Variants in C5orf15 observed in about 807,000 individuals in gnomAD.
C5orf15 encodes keratinocyte-associated transmembrane protein 2.
A neutral mutation model predicts 17.8 loss-of-function variants in C5orf15; 10 were observed. The ratio of observed to expected loss-of-function variants is 0.56; its 90% confidence interval spans 0.35 to 0.95. The LOEUF is 0.95. Among genes scored for constraint, C5orf15 ranks in the 40% least tolerant of loss-of-function variants. The pLI, the probability that C5orf15 is intolerant of heterozygous loss-of-function variation, is 0.02. For missense variants in C5orf15, 319 were observed against 331.7 expected (o/e 0.96, Z 0.30); for synonymous variants, 124 against 131.0 (o/e 0.95, Z 0.36).
chr5:133,967,580 G>T (rs1277693710), intron 1 of C5orf15: 3 of 152,166 alleles, frequency 2.0e-5, no homozygotes, highest in Non-Finnish European at 1.5e-5. Context: ...CTCAATAAAA[G>T]CCTTCAATCT....
chr5:133,960,008 G>C lies in C5orf15; in HGVS notation c.152C>G (p.Thr51Ser). 6.2e-7 allele frequency: 1 copy of C among 1,601,180 alleles called. No homozygotes were observed. The stretch of plus-strand genomic sequence containing the variant: ...GAGTACGGTTGGGCTCGGTGAATCA[G>C]TCCGTGATACAACTGAAACAAACAA... ...SAALSSVVSR[T>S]DSPSPTVLNS... The change falls in exon 2 of 3, where the codon ACT (threonine) becomes AGT (serine). Residue 51 changes from threonine (T) to serine (S), a missense_variant. Thr to Ser is a moderately conservative substitution (Grantham distance 58). Coordinates refer to ENST00000231512, the MANE Select transcript of C5orf15 (RefSeq NM_020199.3).
intron 1 of C5orf15, among the ~76,000 whole-genome samples, chr5:133,960,838 G>A (rs1476787206): frequency 2.0e-5 from 3 of 151,888 alleles, no homozygotes; most frequent in South Asian, 2.1e-4. Flanking sequence ...AATAGAGGAA[G>A]ATTCCAGAGG....
chr5:133,958,576 CAAAAAAAAAAAAAAAA>C lies in C5orf15; in HGVS notation c.666+902_666+917del, dbSNP rs71581378. Among the ~76,000 whole-genome samples the C allele has an allele frequency of 1.6e-4, 5 of 32,002 alleles. No homozygotes were observed. In the South Asian group the frequency reaches 9.6e-3, roughly 61 times the overall value. The allele number at this position is 32,002 out of a possible 152,430, so 21.0% of individuals were successfully genotyped here. A position where few individuals can be genotyped will look rare whatever the true frequency, so the allele number is the denominator to read the frequency against. Reference sequence around the variant, plus strand: ...TGGGAGACAAAGTGAAGCTCTGTCTCAAAAAAAAAAAAAAAAAAAAAAAAAAAACTCTGTGAGATAA... The same window carrying C: ...TGGGAGACAAAGTGAAGCTCTGTCTCAAAAAAAAAAAACTCTGTGAGATAA... On this transcript the variant is annotated intron_variant, in intron 2 of 2. Transcript: ENST00000231512.
rs750335933 is a variant in C5orf15, at chr5:133,968,566, T to A, written c.19A>T (p.Lys7Ter). The A allele has an allele frequency of 7.5e-6, 12 of 1,609,744 alleles. No homozygotes were observed. Among genetic ancestry groups the A allele is most frequent in the Non-Finnish European group, 9.3e-6 (11 of 1,178,604 alleles). Reference sequence around the variant, plus strand: ...GCTTGTGCTGGCCCCCTCATCCTCTTCGGGACGGCAGCGGCCATAACGGAC... The same window carrying A: ...GCTTGTGCTGGCCCCCTCATCCTCTACGGGACGGCAGCGGCCATAACGGAC... MAAAVP[K>*]RMRGPAQAKL... Residue 7 changes from lysine (K) to a stop codon, truncating the protein, a stop_gained, in exon 1 of 3, where the codon AAG becomes TAG. Coordinates refer to ENST00000231512, the MANE Select transcript of C5orf15 (RefSeq NM_020199.3). LOFTEE classifies it high-confidence loss of function.
At chr5:133,966,273 A>G (rs1364478118) in intron 1 of C5orf15, among the ~76,000 whole-genome samples, 1 of 152,136 alleles carries the variant, frequency 6.6e-6, no homozygotes, top group Non-Finnish European at 1.5e-5. Flanking sequence ...CCTTTTTAAA[A>G]ACTGCCCTAA....
At chr5:133,965,561 T>G (rs1450592476) in intron 1 of C5orf15, among the ~76,000 whole-genome samples, 1 of 152,226 alleles carries the variant, frequency 6.6e-6, no homozygotes, top group East Asian at 1.9e-4. Context: ...TCTATGAGCA[T>G]ATAAATAAGA....
chr5:133,960,058 C>T, intron 1 of C5orf15, 38 bp from the exon 2 acceptor site: 2 of 1,539,166 alleles, frequency 1.3e-6, no homozygotes, highest in Non-Finnish European at 1.8e-6. Flanking sequence ...AAATCTCCAA[C>T]TTTATCTCCA....
intron 2 of C5orf15, among the ~76,000 whole-genome samples, chr5:133,958,213 T>G (rs1752063823): frequency 6.6e-6 from 1 of 151,132 alleles, no homozygotes. Context: ...AGATCCTGTC[T>G]CAAAAAAAAA....
chr5:133,968,356 G>C (rs1006400177), intron 1 of C5orf15, 90 bp downstream of exon 1: 8 of 1,508,902 alleles, frequency 5.3e-6, no homozygotes, highest in Non-Finnish European at 6.3e-6. Flanking sequence ...CCTGACACTT[G>C]GAAGCGCCCT....
At chr5:133,966,162 A>C (rs1307026059) in intron 1 of C5orf15, among the ~76,000 whole-genome samples, 2 of 152,198 alleles carry the variant, frequency 1.3e-5, no homozygotes, top group South Asian at 2.1e-4. Context: ...CGGAGGTTGC[A>C]ATGAGCCGAG....
Position 133,956,293 on chromosome 5 carries a change from C to T in C5orf15, c.*566G>A, listed in dbSNP as rs770130388. The T allele has an allele frequency of 1.3e-5, 2 of 152,620 alleles. No individual in the cohort carries two copies. Among genetic ancestry groups the T allele is most frequent in the Non-Finnish European group, 2.9e-5 (2 of 68,040 alleles). The allele number at this position is 152,620 out of a possible 1,614,324, so 9.5% of individuals were successfully genotyped here. A position where few individuals can be genotyped will look rare whatever the true frequency, so the allele number is the denominator to read the frequency against. ...TCTCTGTTGCCAAGATTTCTTGACA[C>T]ATTTAATGTTTTACCTAAAATTGTG... On this transcript the variant is annotated 3_prime_UTR_variant, in exon 3 of 3. Coordinates refer to ENST00000231512, the MANE Select transcript of C5orf15 (RefSeq NM_020199.3).
At chr5:133,965,861 G>A (rs1752183517) in intron 1 of C5orf15, among the ~76,000 whole-genome samples, 1 of 152,202 alleles carries the variant, frequency 6.6e-6, no homozygotes, top group Non-Finnish European at 1.5e-5. Context: ...GGAGGCGGAA[G>A]TTGCAATGGG....
intron 1 of C5orf15, among the ~76,000 whole-genome samples, chr5:133,966,783 G>A (rs1162816554): frequency 3.3e-5 from 5 of 152,258 alleles, no homozygotes; most frequent in Admixed American, 6.5e-5. Flanking sequence ...GGAGCTGCTC[G>A]CCTATTAAAG....
In C5orf15 at chr5:133,959,362, C is replaced by T. The variant is rs961833125; in HGVS notation, c.666+132G>A. 3.5e-5 allele frequency: 20 copies of T among 571,326 alleles called. No individual in the cohort carries two copies. In the African/African-American group the frequency reaches 4.4e-4, roughly 12 times the overall value. The allele number at this position is 571,326 out of a possible 1,614,324, so 35.4% of individuals were successfully genotyped here. A position where few individuals can be genotyped will look rare whatever the true frequency, so the allele number is the denominator to read the frequency against. On this transcript the variant is annotated intron_variant, in intron 2 of 2. Coordinates refer to ENST00000231512, the MANE Select transcript of C5orf15 (RefSeq NM_020199.3). Reference sequence around the variant, plus strand: ...TGAGCTGTGATTGTGCCACTGTACTCCAGCTTGGTTGACAGAGTGAAACCC... The same window carrying T: ...TGAGCTGTGATTGTGCCACTGTACTTCAGCTTGGTTGACAGAGTGAAACCC...
intron 1 of C5orf15, 126 bp downstream of exon 1, chr5:133,968,320 G>A: frequency 7.5e-7 from 1 of 1,328,350 alleles, no homozygotes; most frequent in Non-Finnish European, 1.0e-6. Flanking sequence ...CGGAGACCCT[G>A]ACCCAACCAG....
chr5:133,960,091 C>A, intron 1 of C5orf15, 71 bp from the exon 2 acceptor site: 2 of 1,339,018 alleles, frequency 1.5e-6, no homozygotes, highest in Non-Finnish European at 2.0e-6. Flanking sequence ...CATATTTACC[C>A]AAATTTTACA....
chr5:133,956,949 A>C lies in C5orf15; in HGVS notation c.708T>G (p.Leu236=). The C allele has an allele frequency of 1.2e-6, 2 of 1,611,678 alleles. No homozygotes were observed. The highest frequency in any genetic ancestry group is 1.3e-5 in the African/African-American group (1 of 75,002). Residue 236 remains leucine, a synonymous_variant, in exon 3 of 3, where the codon CTT becomes CTG. Coordinates refer to ENST00000231512, the MANE Select transcript of C5orf15 (RefSeq NM_020199.3). The part of the protein sequence containing the change: ...LVQSRKWRDG[L]CSKTVEYHRL... ...GATGGTATTCCACTGTTTTGGAACAAAGGCCATCACGCCATTTCCTGCTTT... is the reference window on the plus strand; with the variant it reads ...GATGGTATTCCACTGTTTTGGAACACAGGCCATCACGCCATTTCCTGCTTT...
intron 1 of C5orf15, among the ~76,000 whole-genome samples, chr5:133,960,381 C>A (rs1226392992): frequency 6.6e-6 from 1 of 152,182 alleles, no homozygotes; most frequent in African/African-American, 2.4e-5. Context: ...GTGTGGATTT[C>A]AGTTACCTTG....
At chr5:133,963,177 A>G (rs1475879231) in intron 1 of C5orf15, among the ~76,000 whole-genome samples, 1 of 152,210 alleles carries the variant, frequency 6.6e-6, no homozygotes, top group Non-Finnish European at 1.5e-5. Context: ...TTCCTAGTCC[A>G]TTTACCCTTC....
Sources: gnomAD v4.1 joint callset for allele counts (sites outside exome capture counted in the v4.1 genomes callset) on GRCh38, gnomAD v4.1.1 for gene constraint, MANE v1.5 for transcripts, NCBI Gene and HGNC (gene_info 2026-07-23, HGNC 2026-07-21) for gene names.